Variants in CAMTA1 observed in about 807,000 individuals in gnomAD.
The protein encoded by CAMTA1 is calmodulin-binding transcription activator 1.
A neutral mutation model predicts 170.9 loss-of-function variants in CAMTA1; 27 were observed. The observed-to-expected ratio is 0.16, with a 90% confidence interval of 0.12 to 0.22. CAMTA1 has a LOEUF of 0.22. CAMTA1 is among the 10% of genes least tolerant of loss of function. The probability of loss-of-function intolerance (pLI) is 1.00; values close to 1 mark genes in which losing one functional copy is unlikely to be tolerated. For synonymous variants in CAMTA1, 833 were observed against 891.5 expected (o/e 0.93, Z 1.17); for missense variants, 1,619 against 2,217.2 (o/e 0.73, Z 5.42).
rs1448070011 is a variant in CAMTA1, at chr1:7,685,762, T to C, written c.2914+8029T>C. On this transcript the variant is annotated intron_variant, in intron 11 of 22. Transcript: ENST00000303635. The surrounding 1 kb of genome is among the most constrained non-coding windows in gnomAD (Gnocchi z 5.7). The stretch of plus-strand genomic sequence containing the variant: ...TGTTTGTCTTCTTGGATCCAGGCCA[T>C]CCATCTAACGGCCTACAGGGCAGCT... Among the ~76,000 whole-genome samples the C allele has an allele frequency of 6.6e-6, 1 of 152,156 alleles. No individual in the cohort carries two copies. Among genetic ancestry groups the C allele is most frequent in the Non-Finnish European group, 1.5e-5 (1 of 68,010 alleles).
At chr1:7,603,297 A>G (rs1324039973) in intron 6 of CAMTA1, among the ~76,000 whole-genome samples, 1 of 152,154 alleles carries the variant, frequency 6.6e-6, no homozygotes, top group Non-Finnish European at 1.5e-5. Flanking sequence ...AAAGTCTCCC[A>G]TTATTATTGT....
At chr1:6,817,495 A>G (rs1645966485) in intron 1 of CAMTA1, among the ~76,000 whole-genome samples, 2 of 152,166 alleles carry the variant, frequency 1.3e-5, no homozygotes, top group Admixed American at 1.3e-4. Flanking sequence ...ACTTTTCCTA[A>G]GGTATGATGA....
chr1:7,380,218 A>G (rs2087178245), intron 5 of CAMTA1, among the ~76,000 whole-genome samples: 1 of 152,188 alleles, frequency 6.6e-6, no homozygotes, highest in Admixed American at 6.5e-5. Flanking sequence ...GTTTTCCTGT[A>G]GGCTCAGAAA....
intron 1 of CAMTA1, among the ~76,000 whole-genome samples, chr1:6,816,348 A>G (rs1351106014): frequency 6.6e-6 from 1 of 152,178 alleles, no homozygotes; most frequent in Non-Finnish European, 1.5e-5. Flanking sequence ...ATGTATCTCC[A>G]AGAGGACAGG....
At chr1:6,874,523 C>T (rs1035647778) in intron 3 of CAMTA1, 2 of 152,306 alleles carry the variant, frequency 1.3e-5, no homozygotes, top group Non-Finnish European at 2.9e-5. Context: ...CAGGGGGACT[C>T]ACACCTTACA....
chr1:7,336,688 C>T (rs917722671), intron 5 of CAMTA1, among the ~76,000 whole-genome samples: 1 of 152,214 alleles, frequency 6.6e-6, no homozygotes, highest in African/African-American at 2.4e-5. Context: ...CCCAGCAAGG[C>T]CAGGGCGAGG....
At chr1:7,183,019 G>A (rs1397342673) in intron 4 of CAMTA1, among the ~76,000 whole-genome samples, 1 of 152,176 alleles carries the variant, frequency 6.6e-6, no homozygotes, top group Non-Finnish European at 1.5e-5. Flanking sequence ...CGTCTGTTTT[G>A]CATTGCTATA....
chr1:6,930,411 G>A (rs2149370668), intron 3 of CAMTA1, among the ~76,000 whole-genome samples: 1 of 152,284 alleles, frequency 6.6e-6, no homozygotes, highest in Middle Eastern at 3.4e-3. Context: ...AGCCCACTCT[G>A]TCTTTCTGTA....
At chr1:7,318,387 A>G (rs773794699) in intron 5 of CAMTA1, among the ~76,000 whole-genome samples, 14 of 152,218 alleles carry the variant, frequency 9.2e-5, no homozygotes, top group Non-Finnish European at 1.5e-4. Context: ...TGAATAAAAT[A>G]TAGCACTGGA....
At chr1:7,474,171 T>G (rs12078321) in intron 6 of CAMTA1, among the ~76,000 whole-genome samples, 8,397 of 126,248 alleles carry the variant, frequency 0.067, 31 homozygotes, top group Middle Eastern at 0.12. Context: ...TTTGTCTAAT[T>G]TCTCCGAGTC....
At chr1:7,194,183 C>T (rs1260880465) in intron 4 of CAMTA1, among the ~76,000 whole-genome samples, 2 of 152,202 alleles carry the variant, frequency 1.3e-5, no homozygotes, top group Non-Finnish European at 2.9e-5. Flanking sequence ...TTACCAAATT[C>T]CTTCCCTTTA....
intron 5 of CAMTA1, among the ~76,000 whole-genome samples, chr1:7,461,141 G>T (rs2149509312): frequency 6.6e-6 from 1 of 152,322 alleles, no homozygotes; most frequent in African/African-American, 2.4e-5. Flanking sequence ...GGGGAGGGGA[G>T]CTCAGGAATG....
At chr1:7,206,080 A>G (rs1469719732) in intron 4 of CAMTA1, among the ~76,000 whole-genome samples, 1 of 152,192 alleles carries the variant, frequency 6.6e-6, no homozygotes, top group Non-Finnish European at 1.5e-5. Context: ...ATACACCAGT[A>G]TACACTGTTT....
At chr1:7,160,795 C>G (rs1010162555) in intron 4 of CAMTA1, among the ~76,000 whole-genome samples, 2 of 152,156 alleles carry the variant, frequency 1.3e-5, no homozygotes, top group African/African-American at 4.8e-5. Context: ...CTTGGATTCC[C>G]CACACTGTTT....
intron 3 of CAMTA1, among the ~76,000 whole-genome samples, chr1:7,047,984 C>G (rs1705680406): frequency 6.6e-6 from 1 of 152,148 alleles, no homozygotes; most frequent in Non-Finnish European, 1.5e-5. Flanking sequence ...ATCTCTCACC[C>G]TACCCCCTAG....
chr1:6,831,119 GA>G (rs1649949609), intron 3 of CAMTA1, among the ~76,000 whole-genome samples: 1 of 152,056 alleles, frequency 6.6e-6, no homozygotes, highest in African/African-American at 2.4e-5. Context: ...CGCCCGGCCC[GA>G]TAGTTTTGAT....
rs186018304 is a variant in CAMTA1, at chr1:6,999,771, G to T, written c.235-91533G>T. On this transcript the variant is annotated intron_variant, in intron 3 of 22. Coordinates refer to ENST00000303635, the MANE Select transcript of CAMTA1 (RefSeq NM_015215.4). ...AGGGTCATACAGGTCTAGGCCAGGG[G>T]CAGGGCCTGCACCCTCACTTGTGCT... 2.7e-3 allele frequency among the ~76,000 whole-genome samples: 408 copies of T among 152,290 alleles called. 7 individuals are homozygous for T. The highest frequency in any genetic ancestry group is 3.4e-3 in the Middle Eastern group (1 of 294).
chr1:7,658,233 C>A (rs1472428080), intron 7 of CAMTA1, among the ~76,000 whole-genome samples: 1 of 152,208 alleles, frequency 6.6e-6, no homozygotes, highest in Admixed American at 6.5e-5. Context: ...GCTCCGAGTT[C>A]CCACAGGGAG....
Position 7,163,509 on chromosome 1 carries a change from A to G in CAMTA1, c.302+72138A>G, listed in dbSNP as rs72859240. ...AAGCGAGGGACGGCAGTGATATGGA[A>G]TGGCACCGGCTTCCAGGGAACTGGG... On this transcript the variant is annotated intron_variant, in intron 4 of 22. Transcript: ENST00000303635. Among the ~76,000 whole-genome samples, 945 of 152,258 alleles carry G rather than the reference A, an allele frequency of 6.2e-3. 5 individuals are homozygous for G. Among genetic ancestry groups the G allele is most frequent in the African/African-American group, 0.021 (890 of 41,552 alleles).
Sources: allele counts gnomAD v4.1 joint callset (sites outside exome capture counted in the v4.1 genomes callset), GRCh38; gene constraint gnomAD v4.1.1; non-coding constraint Gnocchi (gnomAD v3.1); transcripts MANE v1.5; gene names NCBI Gene and HGNC (gene_info 2026-07-23, HGNC 2026-07-21).